The following FGF13 variants were observed in gnomAD, a reference collection of about 807,000 sequenced individuals.
The protein encoded by FGF13 is fibroblast growth factor homologous factor 2.
Under a neutral mutation model 19.5 loss-of-function variants are expected in FGF13, and 2 were observed. That is an observed-to-expected ratio of 0.10 (90% CI 0.04 to 0.32). The LOEUF is 0.32. Ranked by LOEUF, FGF13 falls within the 10% of genes least tolerant of loss-of-function variation. The probability of loss-of-function intolerance (pLI) is 1.00; values close to 1 mark genes in which losing one functional copy is unlikely to be tolerated. For synonymous variants in FGF13, 72 were observed against 76.9 expected (o/e 0.94, Z 0.33); for missense variants, 113 against 192.7 (o/e 0.59, Z 2.45).
rs774607024 is a variant in FGF13 at position 138,960,586 on chromosome X, T to A, written c.-112-95936A>T. The stretch of plus-strand genomic sequence containing the variant: ...GCTAGGTTGGGGAAGTTCTCTTGGA[T>A]AATATCCTGAAGAGTGTTTTCCAAC... On this transcript the variant is annotated intron_variant, in intron 1 of 2. Transcript: ENST00000421460. Among the ~76,000 whole-genome samples, 5 of 112,219 alleles carry A rather than the reference T, an allele frequency of 4.5e-5. No individual in the cohort carries two copies. In the South Asian group the frequency reaches 1.9e-3, roughly 42 times the overall value.
intron 3 of FGF13, among the ~76,000 whole-genome samples, chrX:138,758,071 G>A (rs1211968358): frequency 1.8e-5 from 2 of 111,460 alleles, no homozygotes; most frequent in African/African-American, 3.3e-5. Context: ...TTTACTAGGC[G>A]GGAATAAGGA....
At chrX:138,704,466 AT>A (rs2089976480) in intron 2 of FGF13, among the ~76,000 whole-genome samples, 1 of 112,667 alleles carries the variant, frequency 8.9e-6, no homozygotes, top group Non-Finnish European at 1.9e-5. Flanking sequence ...TTGTAAGTTT[AT>A]TGAGGATAAT....
intron 1 of FGF13, among the ~76,000 whole-genome samples, chrX:138,951,896 A>C (rs916416959): frequency 9.0e-6 from 1 of 111,416 alleles, no homozygotes. Context: ...AAACAAGAGA[A>C]ATGACAAACC....
Position 138,972,864 on chromosome X carries a change from G to T in FGF13, c.-112-108214C>A, listed in dbSNP as rs779337492. Among the ~76,000 whole-genome samples, 3 of 110,154 alleles carry T rather than the reference G, an allele frequency of 2.7e-5. No individual in the cohort carries two copies. The South Asian group carries it at 1.2e-3, about 42-fold the overall frequency. ...ACTTTTTAAATCAAGTTTTATTTTT[G>T]CTATTGAGTTGAGTTTCTTATAGAT... On this transcript the variant is annotated intron_variant, in intron 1 of 2. Coordinates refer to the FGF13 transcript ENST00000421460.
intron 1 of FGF13, among the ~76,000 whole-genome samples, chrX:139,027,545 C>A (rs537039210): frequency 1.8e-5 from 2 of 112,139 alleles, no homozygotes; most frequent in South Asian, 7.3e-4. Context: ...GAAGTTACCA[C>A]ATGGATTCAG....
intron 1 of FGF13, among the ~76,000 whole-genome samples, chrX:139,011,361 C>CAA (rs3047329): frequency 4.8e-5 from 4 of 82,901 alleles, no homozygotes; most frequent in African/African-American, 1.8e-4. Context: ...AACAAACAAA[C>CAA]AAAAAAAAAA....
chrX:139,035,364 C>A (rs899856515), intron 1 of FGF13, among the ~76,000 whole-genome samples: 8 of 111,157 alleles, frequency 7.2e-5, no homozygotes, highest in African/African-American at 2.6e-4. Context: ...TCAGGAGGAG[C>A]ATTTTTGCAA....
chrX:138,737,874 A>G (rs924955843), intron 1 of FGF13, among the ~76,000 whole-genome samples: 10 of 112,555 alleles, frequency 8.9e-5, no homozygotes, highest in African/African-American at 3.2e-4. Context: ...TGAAAACTCT[A>G]ACGGGTTTCT....
At chrX:139,131,642 T>C (rs2083762899) in intron 1 of FGF13, among the ~76,000 whole-genome samples, 1 of 110,696 alleles carries the variant, frequency 9.0e-6, no homozygotes, top group South Asian at 3.9e-4. Flanking sequence ...GAGGCTGAAG[T>C]AGGAGGACTG....
intron 3 of FGF13, among the ~76,000 whole-genome samples, chrX:138,800,386 A>T (rs189105035): frequency 9.0e-6 from 1 of 111,630 alleles, no homozygotes; most frequent in East Asian, 2.8e-4. Context: ...TTCTTTAACA[A>T]TGTTGAATAT....
At position 138,803,938 on chromosome X, in the gene FGF13, A is replaced by C. The variant is rs1449803603; in HGVS notation, c.217+53574T>G. 2.7e-5 allele frequency among the ~76,000 whole-genome samples: 3 copies of C among 112,032 alleles called. No individual in the cohort carries two copies. The East Asian group carries it at 8.5e-4, about 32-fold the overall frequency. On this transcript the variant is annotated intron_variant, in intron 3 of 6. Transcript: ENST00000436198. ...GGTCTTTTGATTTGATGCCAAATGCAGTGGCAGCATAGCGTGTGGCTTGAA... is the reference window on the plus strand; with the variant it reads ...GGTCTTTTGATTTGATGCCAAATGCCGTGGCAGCATAGCGTGTGGCTTGAA...
At chrX:139,105,478 G>A (rs968620548) in intron 1 of FGF13, among the ~76,000 whole-genome samples, 7 of 111,481 alleles carry the variant, frequency 6.3e-5, no homozygotes, top group Admixed American at 2.9e-4. Flanking sequence ...TCATGCTCAC[G>A]AACTCCTATC....
intron 1 of FGF13, among the ~76,000 whole-genome samples, chrX:139,151,445 C>T (rs1401116244): frequency 9.0e-6 from 1 of 111,498 alleles, no homozygotes; most frequent in African/African-American, 3.3e-5. Context: ...ATTATTCAGC[C>T]CATTATTAAT....
chrX:138,819,387 T>C (rs1374987068), intron 3 of FGF13, among the ~76,000 whole-genome samples: 1 of 110,980 alleles, frequency 9.0e-6, no homozygotes, highest in Middle Eastern at 4.2e-3. Flanking sequence ...AGGCTGGAGG[T>C]TGGAGTGAAT....
At chrX:138,759,831 C>T (rs2090454405) in intron 3 of FGF13, among the ~76,000 whole-genome samples, 1 of 112,120 alleles carries the variant, frequency 8.9e-6, no homozygotes, top group Admixed American at 9.5e-5. Context: ...AGCAGTAAAG[C>T]AGCTGACACA....
At chrX:138,766,727 A>C (rs188788968) in intron 3 of FGF13, among the ~76,000 whole-genome samples, 1 of 111,920 alleles carries the variant, frequency 8.9e-6, no homozygotes, top group African/African-American at 3.2e-5. Flanking sequence ...ACATGCCTGC[A>C]AAGAGACCAA....
chrX:138,783,299 C>A (rs201667529), intron 3 of FGF13, among the ~76,000 whole-genome samples: 2,063 of 83,779 alleles, frequency 0.025, 31 homozygotes, highest in African/African-American at 0.092. Flanking sequence ...GCAACAAAAG[C>A]CAAAATTGAC....
intron 1 of FGF13, among the ~76,000 whole-genome samples, chrX:138,948,416 T>C (rs771987530): frequency 8.9e-6 from 1 of 112,028 alleles, no homozygotes; most frequent in East Asian, 2.8e-4. Context: ...CCAGGCAGTG[T>C]AGGCTGCAAG....
rs202049044 is a variant in FGF13, at chrX:138,661,583, TTC to T, written c.403-25930_403-25929del. Among the ~76,000 whole-genome samples, 58 of 111,735 alleles carry T rather than the reference TTC, an allele frequency of 5.2e-4. No individual in the cohort carries two copies. In the East Asian group the frequency reaches 0.016, roughly 31 times the overall value. On this transcript the variant is annotated intron_variant, in intron 3 of 4. Transcript: ENST00000315930. ...GAGACACCATGATTGTTTGGAGATT[TTC>T]TCTGTTTCTCATATAGTCTTCTGTT...
Sources: gnomAD v4.1 joint callset for allele counts (sites outside exome capture counted in the v4.1 genomes callset) on GRCh38, gnomAD v4.1.1 for gene constraint, MANE v1.5 for transcripts, NCBI Gene and HGNC (gene_info 2026-07-23, HGNC 2026-07-21) for gene names.